The following MAP2 variants were observed in gnomAD, a reference collection of about 807,000 sequenced individuals.
The protein encoded by MAP2 is microtubule-associated protein 2.
Under a neutral mutation model 137.6 loss-of-function variants are expected in MAP2, and 14 were observed. The observed-to-expected ratio is 0.10, with a 90% CI of 0.07 to 0.16. The LOEUF is 0.16. MAP2 is among the 10% of genes least tolerant of loss of function. MAP2 has a pLI of 1.00. For synonymous variants in MAP2, 786 were observed against 782.3 expected (o/e 1.00, Z -0.08); for missense variants, 2,088 against 2,191.5 (o/e 0.95, Z 0.94).
At chr2:209,662,642 A>G (rs1234356826) in intron 5 of MAP2, among the ~76,000 whole-genome samples, 2 of 152,068 alleles carry the variant, frequency 1.3e-5, no homozygotes, top group Non-Finnish European at 2.9e-5. Context: ...TGAGATTTAA[A>G]AAACCTCCAT....
chr2:209,552,815 C>G (rs867314213), intron 2 of MAP2, among the ~76,000 whole-genome samples: 1 of 151,876 alleles, frequency 6.6e-6, no homozygotes. Context: ...GAGCCAAGAT[C>G]GCGCCACTGC....
At chr2:209,499,840 G>A (rs2060175027) in intron 1 of MAP2, among the ~76,000 whole-genome samples, 1 of 152,084 alleles carries the variant, frequency 6.6e-6, no homozygotes, top group Non-Finnish European at 1.5e-5. Flanking sequence ...ACTGGATTTT[G>A]TGAGAACTCA....
At chr2:209,623,088 AC>A (rs2091588374) in intron 3 of MAP2, among the ~76,000 whole-genome samples, 1 of 152,144 alleles carries the variant, frequency 6.6e-6, no homozygotes, top group Non-Finnish European at 1.5e-5. Context: ...TTTTAATATT[AC>A]CCAAATAATG....
intron 4 of MAP2, among the ~76,000 whole-genome samples, chr2:209,641,185 C>T (rs960976072): frequency 2.0e-5 from 3 of 152,064 alleles, no homozygotes; most frequent in Non-Finnish European, 4.4e-5. Context: ...CTAAATTCTG[C>T]TTTGTAATGT....
chr2:209,427,032 T>A (rs909262196), intron 1 of MAP2, among the ~76,000 whole-genome samples: 2 of 152,228 alleles, frequency 1.3e-5, no homozygotes, highest in African/African-American at 4.8e-5. Context: ...GTTGGCATTT[T>A]AAAAAATCAT....
At chr2:209,691,087 C>T (rs1030415232) in intron 7 of MAP2, among the ~76,000 whole-genome samples, 3 of 152,212 alleles carry the variant, frequency 2.0e-5, no homozygotes, top group Admixed American at 6.5e-5. Flanking sequence ...ATACGCTTTG[C>T]AGCCAGGCTG....
chr2:209,692,738 G>A lies in MAP2; in HGVS notation c.568G>A (p.Glu190Lys). ...KESEKQSKPG[E>K]DLKHAALVSQ... ...GTCAGAGAAGCAAAGTAAGCCTGGT[G>A]AAGACCTTAAACATGCTGCCTTAGT... is the stretch of plus-strand genomic sequence containing the variant. The change falls in exon 8 of 16, where the codon GAA becomes AAA. Residue 190 changes from glutamate (E) to lysine (K), a missense_variant. Physicochemically the swap from Glu to Lys is moderately conservative, Grantham distance 56. Coordinates refer to ENST00000682079, the MANE Select transcript of MAP2 (RefSeq NM_001375505.1). 1.9e-6 allele frequency: 3 copies of A among 1,614,078 alleles called. No individual in the cohort carries two copies. Among genetic ancestry groups the A allele is most frequent in the South Asian group, 2.2e-5 (2 of 91,074 alleles).
At chr2:209,521,380 G>A (rs546751228) in intron 2 of MAP2, among the ~76,000 whole-genome samples, 43 of 151,792 alleles carry the variant, frequency 2.8e-4, no homozygotes, top group African/African-American at 9.2e-4. Context: ...TTTAAAAGTC[G>A]TTTTGTGGCA....
chr2:209,716,279 C>A (rs999302050), intron 13 of MAP2, among the ~76,000 whole-genome samples: 2 of 152,192 alleles, frequency 1.3e-5, no homozygotes, highest in African/African-American at 4.8e-5. Context: ...ATAGTAGGTG[C>A]TCAATAAATA....
intron 2 of MAP2, among the ~76,000 whole-genome samples, chr2:209,550,042 A>G (rs909604046): frequency 6.6e-6 from 1 of 152,232 alleles, no homozygotes; most frequent in African/African-American, 2.4e-5. Flanking sequence ...TTTTAAAGGC[A>G]TTTTTAATAG....
rs778249278 is a variant in MAP2 at position 209,696,758 on chromosome 2, A to G, written c.4387+10A>G. Reference sequence around the variant, plus strand: ...GTGAGAAGGAAAAAAGGTTCATTTAACAATCACTTCTTTAAAAATGTTTTT... The same window carrying G: ...GTGAGAAGGAAAAAAGGTTCATTTAGCAATCACTTCTTTAAAAATGTTTTT... On this transcript the variant is annotated intron_variant, in intron 9 of 15. Coordinates refer to ENST00000682079, the MANE Select transcript of MAP2 (RefSeq NM_001375505.1). The G allele has an allele frequency of 8.8e-6, 14 of 1,597,412 alleles. No homozygotes were observed. Among genetic ancestry groups the G allele is most frequent in the South Asian group, 8.1e-5 (7 of 86,728 alleles).
intron 2 of MAP2, among the ~76,000 whole-genome samples, chr2:209,529,576 A>G (rs1164125049): frequency 6.6e-6 from 1 of 152,152 alleles, no homozygotes; most frequent in African/African-American, 2.4e-5. Flanking sequence ...TAACATATCC[A>G]GTCTTATAAT....
At chr2:209,472,374 A>T (rs1705973143) in intron 1 of MAP2, among the ~76,000 whole-genome samples, 1 of 152,166 alleles carries the variant, frequency 6.6e-6, no homozygotes, top group African/African-American at 2.4e-5. Flanking sequence ...CAAGCTTAAA[A>T]CTAGAGTCAG....
intron 2 of MAP2, among the ~76,000 whole-genome samples, chr2:209,516,538 A>T (rs1386358009): frequency 6.6e-6 from 1 of 152,172 alleles, no homozygotes; most frequent in Admixed American, 6.6e-5. Context: ...GAATAAAAAA[A>T]GGGAAGGGTT....
At chr2:209,643,475 A>G (rs560352672) in intron 4 of MAP2, among the ~76,000 whole-genome samples, 168 of 152,284 alleles carry the variant, frequency 1.1e-3, no homozygotes, top group Non-Finnish European at 2.0e-3. Context: ...TTACAAATTC[A>G]GAGTTATCTA....
intron 1 of MAP2, among the ~76,000 whole-genome samples, chr2:209,446,420 C>T (rs906190000): frequency 1.3e-5 from 2 of 151,640 alleles, no homozygotes; most frequent in African/African-American, 2.4e-5. Flanking sequence ...CCCTCCAAAC[C>T]CCGACATCAC....
chr2:209,435,998 T>A (rs11891231), intron 1 of MAP2, among the ~76,000 whole-genome samples: 58,495 of 87,056 alleles, frequency 0.67, 20,279 homozygotes, highest in South Asian at 0.75. Flanking sequence ...TATTATATAC[T>A]ATATATACAG....
intron 3 of MAP2, among the ~76,000 whole-genome samples, chr2:209,613,432 T>C (rs931633415): frequency 5.9e-5 from 9 of 152,150 alleles, no homozygotes; most frequent in Non-Finnish European, 1.0e-4. Flanking sequence ...GGATCTGTAG[T>C]CCTTCGTTAA....
intron 12 of MAP2, 118 bp from the exon 13 acceptor site, chr2:209,709,796 G>A (rs905455118): frequency 2.7e-6 from 2 of 739,396 alleles, no homozygotes; most frequent in African/African-American, 3.5e-5. Flanking sequence ...AGTGATAACT[G>A]TTTCTAAATA....
Sources: gnomAD v4.1 joint callset for allele counts (sites outside exome capture counted in the v4.1 genomes callset) on GRCh38, gnomAD v4.1.1 for gene constraint, MANE v1.5 for transcripts, NCBI Gene and HGNC (gene_info 2026-07-23, HGNC 2026-07-21) for gene names.